Variants in EFEMP2 observed in about 807,000 individuals in gnomAD.
EFEMP2 encodes the protein EGF-like fibulin extracellular matrix protein 2, also known as EGF-containing fibulin-like extracellular matrix protein 2.
EFEMP2 carries 21 observed loss-of-function variants against 55.3 expected under a neutral mutation model. The observed-to-expected ratio is 0.38, with a 90% CI of 0.27 to 0.55. The LOEUF (loss-of-function observed/expected upper bound fraction) is 0.55, where lower values mean the gene tolerates loss of function less well. Ranked by LOEUF, EFEMP2 falls within the 20% of genes least tolerant of loss-of-function variation. EFEMP2 has a pLI of 0.77. For synonymous variants in EFEMP2, 275 were observed against 242.3 expected (o/e 1.14, Z -1.25); for missense variants, 513 against 615.1 (o/e 0.83, Z 1.76).
rs2234458 is a variant in EFEMP2, at chr11:65,871,903, C to A, written c.160+67G>T. ...GGCAGTTCTTGGAGGTGGGGCTGTC[C>A]CTTGGAAAGCAGCTATCAATCCCTT... is the stretch of plus-strand genomic sequence containing the variant. On this transcript the variant is annotated intron_variant, in intron 3 of 10. Coordinates refer to ENST00000307998, the MANE Select transcript of EFEMP2 (RefSeq NM_016938.5). The A allele has an allele frequency of 2.6e-6, 4 of 1,541,292 alleles. No individual in the cohort carries two copies. In the East Asian group the frequency reaches 9.8e-5, roughly 38 times the overall value.
intron 9 of EFEMP2, 46 bp from the exon 10 acceptor site, chr11:65,868,102 C>A (rs776703920): frequency 6.3e-7 from 1 of 1,598,680 alleles, no homozygotes; most frequent in Admixed American, 1.7e-5. Flanking sequence ...CTTGCCCGTC[C>A]CCCCAATTTC....
intron 1 of EFEMP2, 82 bp downstream of exon 1, chr11:65,872,601 G>A (rs1859985629): frequency 6.3e-6 from 2 of 318,600 alleles, no homozygotes; most frequent in South Asian, 9.0e-5. Flanking sequence ...AGGAGCGCGG[G>A]CCTCTGTGGG....
At chr11:65,870,460 T>A in intron 5 of EFEMP2, 76 bp downstream of exon 5, 1 of 1,600,560 alleles carries the variant, frequency 6.2e-7, no homozygotes, top group South Asian at 1.1e-5. Context: ...CTGGCTTGAA[T>A]GGGGGTCAGG....
In EFEMP2 at chr11:65,866,959, C is replaced by T. The variant is rs1406164569; in HGVS notation, c.1291G>A (p.Val431Ile). Residue 431 changes from valine to isoleucine, a missense_variant, in exon 11 of 11, where the codon GTA (valine) becomes ATA (isoleucine). Coordinates refer to ENST00000307998, the MANE Select transcript of EFEMP2 (RefSeq NM_016938.5). Reference sequence around the variant, plus strand: ...CCTACAAAGACGGTGAGCCTCAGTACAGAGCTGGCCCGGTAGCTCATGAGG... The same window carrying T: ...CCTACAAAGACGGTGAGCCTCAGTATAGAGCTGGCCCGGTAGCTCATGAGG... ...NSLMSYRASS[V>I]LRLTVFVGAY... 1 of 1,614,200 alleles carries T rather than the reference C, an allele frequency of 6.2e-7. No homozygotes were observed. Among genetic ancestry groups the T allele is most frequent in the South Asian group, 1.1e-5 (1 of 91,084 alleles).
chr11:65,871,439 C>A lies in EFEMP2; in HGVS notation c.161-76G>T. ...AGGGAGCGGAGGCAGGAACCCAGCT[C>A]GGCCTTCTCTGAGATGTGTGGCCCC... On this transcript the variant is annotated intron_variant, in intron 3 of 10. Coordinates refer to ENST00000307998, the MANE Select transcript of EFEMP2 (RefSeq NM_016938.5). 3 of 1,417,898 alleles carry A rather than the reference C, an allele frequency of 2.1e-6. No homozygotes were observed. The South Asian group carries it at 3.5e-5, about 16-fold the overall frequency. 87.8% of individuals were successfully genotyped at this position (1,417,898 alleles called of 1,614,324 possible). A position where few individuals can be genotyped will look rare whatever the true frequency, so the allele number is the denominator to read the frequency against.
intron 1 of EFEMP2, 54 bp downstream of exon 1, chr11:65,872,629 C>G: frequency 3.5e-6 from 1 of 288,624 alleles, no homozygotes; most frequent in Non-Finnish European, 6.5e-6. Context: ...CTGCCGCGGA[C>G]TCGGCCGAGA....
rs761527042 is a variant in EFEMP2 at position 65,866,876 on chromosome 11, TC to T, written c.*41del. 1.2e-6 allele frequency: 2 copies of T among 1,612,290 alleles called. No individual in the cohort carries two copies. Among genetic ancestry groups the T allele is most frequent in the Non-Finnish European group, 1.7e-6 (2 of 1,178,640 alleles). ...CATTCTGCCCCTCACAACAGGCTCCTCAGCTAGGGTAGCTGCAGGGAGGGTG... is the reference window on the plus strand; with the variant it reads ...CATTCTGCCCCTCACAACAGGCTCCTAGCTAGGGTAGCTGCAGGGAGGGTG... On this transcript the variant is annotated 3_prime_UTR_variant, in exon 11 of 11. Transcript: ENST00000307998.
At chr11:65,868,752 A>G in intron 7 of EFEMP2, 123 bp from the exon 8 acceptor site, 1 of 1,383,308 alleles carries the variant, frequency 7.2e-7, no homozygotes, top group Admixed American at 1.8e-5. Flanking sequence ...GAGGGGGATG[A>G]GACAAGCCAC....
At chr11:65,872,544 C>T in intron 1 of EFEMP2, 139 bp downstream of exon 1, 3 of 474,798 alleles carry the variant, frequency 6.3e-6, no homozygotes, top group South Asian at 5.1e-5. Flanking sequence ...CAGGCCCACC[C>T]GCCCCGGCCA....
In EFEMP2 at chr11:65,867,016, C is replaced by T. The variant is rs146879673; in HGVS notation, c.1234G>A (p.Val412Met). ...ARPVTGPREY[V>M]LDLEMVTMNS... The stretch of plus-strand genomic sequence containing the variant: ...ATGGTGACCATCTCCAGGTCCAGCA[C>T]GTACTCCCGGGGGCCCGTCACCGGC... The change falls in exon 11 of 11, where the codon GTG becomes ATG. Residue 412 changes from valine (V) to methionine (M), a missense_variant. Coordinates refer to ENST00000307998, the MANE Select transcript of EFEMP2 (RefSeq NM_016938.5). 19 of 1,614,054 alleles carry T rather than the reference C, an allele frequency of 1.2e-5. No individual in the cohort carries two copies. The highest frequency in any genetic ancestry group is 1.6e-4 in the Middle Eastern group (1 of 6,084).
rs769737492 is a variant in EFEMP2 at position 65,870,674 on chromosome 11, C to T, written c.368-16G>A. ...TCGTCCACATCTGCGAGAGACACCA[C>T]TCAGCCCCTGCCTGGGATCCCGCAC... On this transcript the variant is annotated splice_polypyrimidine_tract_variant and intron_variant, in intron 4 of 10. Coordinates refer to ENST00000307998, the MANE Select transcript of EFEMP2 (RefSeq NM_016938.5). 3.7e-6 allele frequency: 6 copies of T among 1,613,828 alleles called. No homozygotes were observed. The highest frequency in any genetic ancestry group is 1.1e-5 in the South Asian group (1 of 91,088).
rs545330660 is a variant in EFEMP2, at chr11:65,870,630, G to A, written c.396C>T (p.His132=). 48 of 1,614,016 alleles carry A rather than the reference G, an allele frequency of 3.0e-5. No individual in the cohort carries two copies. Among genetic ancestry groups the A allele is most frequent in the South Asian group, 1.5e-4 (14 of 91,074 alleles). ...GGCAGTCCTGGCTGGGGCGACAGTCGTGCAGGGCCTGGGCACACTCGTCCA... is the reference window on the plus strand; with the variant it reads ...GGCAGTCCTGGCTGGGGCGACAGTCATGCAGGGCCTGGGCACACTCGTCCA... The part of the protein sequence containing the change: ...VDVDECAQAL[H]DCRPSQDCHN... The change falls in exon 5 of 11, where the codon CAC becomes CAT. Residue 132 remains histidine (H), a synonymous_variant. Transcript: ENST00000307998.
intron 3 of EFEMP2, 137 bp from the exon 4 acceptor site, chr11:65,871,500 C>G (rs1859964909): frequency 1.2e-6 from 1 of 844,988 alleles, no homozygotes; most frequent in East Asian, 2.6e-5. Flanking sequence ...CAAGCTAAGT[C>G]TGCCTGCTCA....
At chr11:65,867,304 A>C (rs1859869440) in intron 10 of EFEMP2, 1 of 595,876 alleles carries the variant, frequency 1.7e-6, no homozygotes, top group East Asian at 2.8e-5. Context: ...CACCCTCTCC[A>C]GCCTGCTCTG....
At chr11:65,867,627 T>G in intron 10 of EFEMP2, 1 of 572,552 alleles carries the variant, frequency 1.7e-6, no homozygotes. Context: ...CTGAGATCAA[T>G]ATGGAAAACC....
intron 4 of EFEMP2, 32 bp downstream of exon 4, chr11:65,871,125 G>A (rs1278558461): frequency 1.2e-6 from 2 of 1,612,514 alleles, no homozygotes; most frequent in Admixed American, 3.3e-5. Context: ...TGAGAGGACT[G>A]GAAGCCAGGC....
At position 65,871,990 on chromosome 11, in the gene EFEMP2, G is replaced by C; in HGVS notation, c.140C>G (p.Pro47Arg). 6.4e-7 allele frequency: 1 copy of C among 1,551,618 alleles called. No homozygotes were observed. The highest frequency in any genetic ancestry group is 8.7e-7 in the Non-Finnish European group (1 of 1,146,964). The change falls in exon 3 of 11, where the codon CCA becomes CGA. Residue 47 changes from proline (P) to arginine (R), a missense_variant. Coordinates refer to ENST00000307998, the MANE Select transcript of EFEMP2 (RefSeq NM_016938.5). Reference sequence around the variant, plus strand: ...CACACCCCGGCAGTGCTGGCTGTCTGGGTCCCACTCATAGCCATCTGTGCA... The same window carrying C: ...CACACCCCGGCAGTGCTGGCTGTCTCGGTCCCACTCATAGCCATCTGTGCA... ...TECTDGYEWDPDSQHCRDVNE... is the reference protein window; with the variant it reads ...TECTDGYEWDRDSQHCRDVNE...
chr11:65,868,238 C>T (rs1859897100), intron 9 of EFEMP2, 57 bp downstream of exon 9: 1 of 1,609,280 alleles, frequency 6.2e-7, no homozygotes, highest in African/African-American at 1.3e-5. Context: ...GCCAGTCAGC[C>T]CCAAAGCCCC....
chr11:65,871,903 C>T lies in EFEMP2; in HGVS notation c.160+67G>A, dbSNP rs2234458. On this transcript the variant is annotated intron_variant, in intron 3 of 10. Transcript: ENST00000307998. Reference sequence around the variant, plus strand: ...GGCAGTTCTTGGAGGTGGGGCTGTCCCTTGGAAAGCAGCTATCAATCCCTT... The same window carrying T: ...GGCAGTTCTTGGAGGTGGGGCTGTCTCTTGGAAAGCAGCTATCAATCCCTT... The T allele has an allele frequency of 0.64, 983,910 of 1,540,374 alleles. 320,777 individuals are homozygous for T. The highest frequency in any genetic ancestry group is 0.82 in the South Asian group (68,581 of 83,884).
Sources: gnomAD v4.1 joint callset for allele counts on GRCh38, gnomAD v4.1.1 for gene constraint, MANE v1.5 for transcripts, NCBI Gene and HGNC (gene_info 2026-07-23, HGNC 2026-07-21) for gene names.